Variants in OSBPL3 observed in about 807,000 individuals in gnomAD.
The protein encoded by OSBPL3 is oxysterol binding protein like 3.
OSBPL3 carries 65 observed loss-of-function variants against 120.1 expected under a neutral mutation model. The ratio of observed to expected loss-of-function variants is 0.54; its 90% CI spans 0.44 to 0.67. The LOEUF (loss-of-function observed/expected upper bound fraction) is 0.67. Among genes scored for constraint, OSBPL3 ranks in the 30% least tolerant of loss-of-function variants. The pLI, the probability that OSBPL3 is intolerant of heterozygous loss-of-function variation, is 0.00. For synonymous variants in OSBPL3, 416 were observed against 402.6 expected, an observed-to-expected ratio of 1.03 and a Z score of -0.40; for missense variants, 1,004 against 1,082.1, an observed-to-expected ratio of 0.93 and a Z score of 1.01.
intron 1 of OSBPL3, among the ~76,000 whole-genome samples, chr7:24,921,248 T>A (rs1810346728): frequency 6.6e-6 from 1 of 151,944 alleles, no homozygotes; most frequent in Non-Finnish European, 1.5e-5. Flanking sequence ...TACCACGATG[T>A]AGGCTAAAAT....
chr7:24,839,611 AT>A (rs370013687), intron 14 of OSBPL3, among the ~76,000 whole-genome samples: 6 of 152,250 alleles, frequency 3.9e-5, no homozygotes, highest in African/African-American at 1.4e-4. Flanking sequence ...GTCCTATCAC[AT>A]TCCTAAATTA....
At chr7:24,971,274 C>A (rs1215721887) in intron 1 of OSBPL3, among the ~76,000 whole-genome samples, 2 of 152,238 alleles carry the variant, frequency 1.3e-5, no homozygotes, top group African/African-American at 4.8e-5. Context: ...AACTACTTCG[C>A]CCTCTCTAAG....
Position 24,827,591 on chromosome 7 carries a change from C to T in OSBPL3, c.1884+3177G>A, listed in dbSNP as rs1314910253. Among the ~76,000 whole-genome samples, 2 of 152,240 alleles carry T rather than the reference C, an allele frequency of 1.3e-5. No homozygotes were observed. The highest frequency in any genetic ancestry group is 2.1e-4 in the South Asian group (1 of 4,832). On this transcript the variant is annotated intron_variant, in intron 16 of 22. Transcript: ENST00000313367. This position sits in a 1 kb window ranked among gnomAD's most constrained non-coding sequence, Gnocchi z 5.1. ...GTCACACTGGACAATGCTTTCTGAT[C>T]CCCATAGCAGGTCTATTTTTCACAG...
At chr7:24,977,094 TA>T (rs1226928355) in intron 1 of OSBPL3, among the ~76,000 whole-genome samples, 1 of 152,254 alleles carries the variant, frequency 6.6e-6, no homozygotes, top group Non-Finnish European at 1.5e-5. Context: ...ACAGAGGAAC[TA>T]GCTGGCTTTC....
chr7:24,909,776 TTTCTTTC>T, intron 1 of OSBPL3, among the ~76,000 whole-genome samples: 2 of 121,764 alleles, frequency 1.6e-5, no homozygotes, highest in Middle Eastern at 4.1e-3. Flanking sequence ...CTGTTTTTTT[TTTCTTTC>T]TTTTTTTTTT....
Position 24,840,763 on chromosome 7 carries a change from A to G in OSBPL3, c.1422T>C (p.Tyr474=). The change falls in exon 14 of 23, where the codon TAT becomes TAC. Residue 474 remains tyrosine (Y), a synonymous_variant. Transcript: ENST00000313367. Reference sequence around the variant, plus strand: ...AAAGATTATCACTTATGTCACTGACATATGAGTCATCATCAGAAATCTATG... The same window carrying G: ...AAAGATTATCACTTATGTCACTGACGTATGAGTCATCATCAGAAATCTATG... ...SENEISDDDS[Y]VSDISDNLSL... is the part of the protein sequence containing the mutation. 3 of 1,445,790 alleles carry G rather than the reference A, an allele frequency of 2.1e-6. No individual in the cohort carries two copies. The highest frequency in any genetic ancestry group is 1.9e-6 in the Non-Finnish European group (2 of 1,047,564). The allele number at this position is 1,445,790 out of a possible 1,614,324, so 89.6% of individuals were successfully genotyped here. A position where few individuals can be genotyped will look rare whatever the true frequency, so the allele number is the denominator to read the frequency against.
intron 12 of OSBPL3, 101 bp downstream of exon 12, chr7:24,848,968 G>T (rs924541304): frequency 6.3e-6 from 5 of 789,962 alleles, no homozygotes; most frequent in Non-Finnish European, 1.1e-5. Context: ...GAGGTGGACA[G>T]CACCCATGAG....
At chr7:24,943,249 C>T (rs1015970762) in intron 1 of OSBPL3, among the ~76,000 whole-genome samples, 3 of 152,180 alleles carry the variant, frequency 2.0e-5, no homozygotes, top group African/African-American at 7.2e-5. Context: ...TGGCTGGATC[C>T]ATGCTGACGA....
chr7:24,968,041 G>A lies in OSBPL3; in HGVS notation c.-150+11845C>T, dbSNP rs1187761644. On this transcript the variant is annotated intron_variant, in intron 1 of 22. Transcript: ENST00000313367. The surrounding 1 kb of genome is among the most constrained non-coding windows in gnomAD (Gnocchi z 4.6). ...TTGGTTTGCTTTATATATTTACTTG[G>A]AGTAATACATTTACTTGGAATAATA... Among the ~76,000 whole-genome samples the A allele has an allele frequency of 6.6e-6, 1 of 152,062 alleles. No individual in the cohort carries two copies. The highest frequency in any genetic ancestry group is 2.4e-5 in the African/African-American group (1 of 41,380).
intron 1 of OSBPL3, among the ~76,000 whole-genome samples, chr7:24,902,767 G>A (rs1431589687): frequency 6.6e-6 from 1 of 150,866 alleles, no homozygotes; most frequent in Admixed American, 6.6e-5. Context: ...ACACCTAAAC[G>A]ACTGGCTTAT....
In OSBPL3 at chr7:24,959,132, G is replaced by A. The variant is rs1815424239; in HGVS notation, c.-150+20754C>T. On this transcript the variant is annotated intron_variant, in intron 1 of 22. Coordinates refer to ENST00000313367, the MANE Select transcript of OSBPL3 (RefSeq NM_015550.4). This position sits in a 1 kb window ranked among gnomAD's most constrained non-coding sequence, Gnocchi z 4.3. ...ACTATCATAAACTGCTGGAAGAAAC[G>A]TAAATGGGCACAACCATTTTGGAAA... Among the ~76,000 whole-genome samples, 2 of 152,146 alleles carry A rather than the reference G, an allele frequency of 1.3e-5. No individual in the cohort carries two copies. Among genetic ancestry groups the A allele is most frequent in the South Asian group, 4.1e-4 (2 of 4,828 alleles).
rs1289664257 is a variant in OSBPL3 at position 24,879,097 on chromosome 7, TG to T, written c.97-7029del. Among the ~76,000 whole-genome samples the T allele has an allele frequency of 2.0e-5, 3 of 152,180 alleles. No individual in the cohort carries two copies. Among genetic ancestry groups the T allele is most frequent in the African/African-American group, 7.2e-5 (3 of 41,450 alleles). On this transcript the variant is annotated intron_variant, in intron 2 of 22. Transcript: ENST00000313367. The surrounding 1 kb of genome is among the most constrained non-coding windows in gnomAD (Gnocchi z 5.6). ...CTATGAAAAATGGCAAAAACATGGC[TG>T]ATCTATGAAAGTCTCTGGAGTGCTC...
In OSBPL3 at chr7:24,817,462, T is replaced by C. The variant is rs1478820131; in HGVS notation, c.1949-774A>G. Among the ~76,000 whole-genome samples the C allele has an allele frequency of 1.3e-5, 2 of 152,038 alleles. No homozygotes were observed. Among genetic ancestry groups the C allele is most frequent in the South Asian group, 2.1e-4 (1 of 4,824 alleles). On this transcript the variant is annotated intron_variant, in intron 17 of 22. Transcript: ENST00000313367. This position sits in a 1 kb window ranked among gnomAD's most constrained non-coding sequence, Gnocchi z 4.0. The stretch of plus-strand genomic sequence containing the variant: ...TGGAGGTTGCAGTGAGCCAAGATCA[T>C]GCCATTGCACTCCAGCCTGGGTGAT...
At chr7:24,841,432 C>G (rs181606184) in intron 13 of OSBPL3, among the ~76,000 whole-genome samples, 1 of 151,786 alleles carries the variant, frequency 6.6e-6, no homozygotes, top group Admixed American at 6.6e-5. Flanking sequence ...TTAACCTGTA[C>G]TTGAAAAGAA....
In OSBPL3 at chr7:24,804,366, C is replaced by T. The variant is rs777761372; in HGVS notation, c.2516G>A (p.Arg839Lys). Residue 839 changes from arginine (R) to lysine (K), a missense_variant, in exon 22 of 23, where the codon AGG (arginine) becomes AAG (lysine). Arg to Lys is a conservative substitution (Grantham distance 26, BLOSUM62 2). This residue lies in a region of OSBPL3 where 473 missense variants were observed against 568.0 expected (regional missense o/e 0.83). Coordinates refer to ENST00000313367, the MANE Select transcript of OSBPL3 (RefSeq NM_015550.4). The surrounding 1 kb of genome is among the most constrained non-coding windows in gnomAD (Gnocchi z 5.4). ...ATGATTTTCTTCTAAGACCCGCCGC[C>T]TTTCTCTCTGCAGTTGTTCAATCCT... ...KQRIEQLQRE[R>K]RRVLEENHVE... is the part of the protein sequence containing the mutation. 3.7e-6 allele frequency: 6 copies of T among 1,614,048 alleles called. No individual in the cohort carries two copies. Among genetic ancestry groups the T allele is most frequent in the East Asian group, 2.2e-5 (1 of 44,904 alleles).
intron 14 of OSBPL3, among the ~76,000 whole-genome samples, chr7:24,840,217 G>A (rs902783390): frequency 3.3e-5 from 5 of 151,882 alleles, no homozygotes; most frequent in South Asian, 2.1e-4. Context: ...TGCTTGTAGC[G>A]GGTCCTCTAC....
rs752597790 is a variant in OSBPL3 at position 24,977,060 on chromosome 7, TA to T, written c.-150+2825del. 1.8e-4 allele frequency among the ~76,000 whole-genome samples: 28 copies of T among 151,858 alleles called. 4 individuals are homozygous for T. Among genetic ancestry groups the T allele is most frequent in the South Asian group, 1.7e-3 (8 of 4,828 alleles). On this transcript the variant is annotated intron_variant, in intron 1 of 22. Coordinates refer to ENST00000313367, the MANE Select transcript of OSBPL3 (RefSeq NM_015550.4). The stretch of plus-strand genomic sequence containing the variant: ...AGCTTTTGGAATTAGTAGCAGTTTC[TA>T]ACTCTCTACTCTGCATTAGAGAACA...
intron 1 of OSBPL3, among the ~76,000 whole-genome samples, chr7:24,920,396 T>G (rs1188181381): frequency 1.3e-5 from 2 of 152,196 alleles, no homozygotes; most frequent in Non-Finnish European, 2.9e-5. Flanking sequence ...TTAAAGGCCA[T>G]ATATTGTATG....
rs1266952661 is a variant in OSBPL3, at chr7:24,819,111, G to A, written c.1948+1064C>T. On this transcript the variant is annotated intron_variant, in intron 17 of 22. Transcript: ENST00000313367. The surrounding 1 kb of genome is among the most constrained non-coding windows in gnomAD (Gnocchi z 4.1). ...CTACTAAAAATACAAAAATTAGCTGGGCATAGTGGCGCATGCCTGTAGTCC... is the reference window on the plus strand; with the variant it reads ...CTACTAAAAATACAAAAATTAGCTGAGCATAGTGGCGCATGCCTGTAGTCC... Among the ~76,000 whole-genome samples, 1 of 152,018 alleles carries A rather than the reference G, an allele frequency of 6.6e-6. No individual in the cohort carries two copies. The highest frequency in any genetic ancestry group is 1.5e-5 in the Non-Finnish European group (1 of 68,014).
Sources: allele counts gnomAD v4.1 joint callset (sites outside exome capture counted in the v4.1 genomes callset), GRCh38; gene constraint gnomAD v4.1.1; regional missense constraint gnomAD v4.1.1; non-coding constraint Gnocchi (gnomAD v3.1); transcripts MANE v1.5; gene names NCBI Gene and HGNC (gene_info 2026-07-23, HGNC 2026-07-21).